MAML3: variants seen among roughly 807,000 people sequenced by gnomAD.
The protein encoded by MAML3 is mastermind-like protein 3.
A neutral mutation model predicts 101.9 loss-of-function variants in MAML3; 27 were observed. That is an observed-to-expected ratio of 0.27 (90% CI 0.20 to 0.37). The LOEUF (loss-of-function observed/expected upper bound fraction) is 0.37. Ranked by LOEUF, MAML3 falls within the 10% of genes least tolerant of loss-of-function variation. The probability of loss-of-function intolerance (pLI) is 1.00; values close to 1 mark genes in which losing one functional copy is unlikely to be tolerated. For synonymous variants in MAML3, 501 were observed against 555.9 expected (o/e 0.90, Z 1.39); for missense variants, 1,316 against 1,444.9 (o/e 0.91, Z 1.45).
At chr4:139,783,798 C>G (rs1044017685) in intron 2 of MAML3, among the ~76,000 whole-genome samples, 1 of 152,184 alleles carries the variant, frequency 6.6e-6, no homozygotes, top group African/African-American at 2.4e-5. Flanking sequence ...ATAGCCAGGA[C>G]CCTCCCAGTC....
chr4:139,741,666 G>C (rs1227173794), intron 2 of MAML3, among the ~76,000 whole-genome samples: 1 of 152,164 alleles, frequency 6.6e-6, no homozygotes, highest in Non-Finnish European at 1.5e-5. Context: ...AGGATCGCTT[G>C]AGCCTGGGAG....
At chr4:139,803,734 T>C (rs1326568772) in intron 2 of MAML3, among the ~76,000 whole-genome samples, 2 of 152,346 alleles carry the variant, frequency 1.3e-5, no homozygotes, top group African/African-American at 4.8e-5. Context: ...TGCCTGGCTA[T>C]GTATGCATTA....
intron 2 of MAML3, among the ~76,000 whole-genome samples, chr4:139,840,164 A>C (rs1457477483): frequency 6.6e-6 from 1 of 152,226 alleles, no homozygotes; most frequent in Non-Finnish European, 1.5e-5. Flanking sequence ...ACACTAAGAC[A>C]CTACATGGTC....
rs576017052 is a variant in MAML3 at position 140,006,468 on chromosome 4, C to T, written c.469-115501G>A. ...AGGCATGGTGGCGGGTGCCTGTAAT[C>T]CCAGTTACTCTGGAGGCTGAGGCAA... is the stretch of plus-strand genomic sequence containing the variant. On this transcript the variant is annotated intron_variant, in intron 1 of 4. Transcript: ENST00000509479. 5.3e-5 allele frequency among the ~76,000 whole-genome samples: 8 copies of T among 151,694 alleles called. 1 individual carries two copies. The highest frequency in any genetic ancestry group is 1.9e-4 in the African/African-American group (8 of 41,358).
At chr4:139,891,555 A>G (rs7690556) in intron 1 of MAML3, among the ~76,000 whole-genome samples, 132,657 of 152,242 alleles carry the variant, frequency 0.87, 58,232 homozygotes, top group Middle Eastern at 0.93. Context: ...TGGGATTACA[A>G]GTGTGAGCCA....
At chr4:139,918,573 C>T (rs546667914) in intron 1 of MAML3, among the ~76,000 whole-genome samples, 1 of 152,344 alleles carries the variant, frequency 6.6e-6, no homozygotes, top group South Asian at 2.1e-4. Flanking sequence ...CTTTTTCACA[C>T]CACTGATCAC....
At chr4:140,017,010 G>A (rs1029176796) in intron 1 of MAML3, among the ~76,000 whole-genome samples, 2 of 152,130 alleles carry the variant, frequency 1.3e-5, no homozygotes, top group Non-Finnish European at 2.9e-5. Context: ...TTAAGAGAAC[G>A]AAAGAACAAT....
intron 1 of MAML3, among the ~76,000 whole-genome samples, chr4:139,937,958 G>C (rs1733538240): frequency 6.6e-6 from 1 of 152,126 alleles, no homozygotes; most frequent in African/African-American, 2.4e-5. Context: ...GATGTCCCTT[G>C]CTGTATTCTG....
At chr4:139,739,143 T>A (rs1180225861) in intron 2 of MAML3, among the ~76,000 whole-genome samples, 1 of 152,244 alleles carries the variant, frequency 6.6e-6, no homozygotes, top group Non-Finnish European at 1.5e-5. Context: ...GGATGAATTC[T>A]AGCCTAAACC....
At chr4:139,759,794 G>C (rs908942752) in intron 2 of MAML3, among the ~76,000 whole-genome samples, 2 of 152,148 alleles carry the variant, frequency 1.3e-5, no homozygotes, top group African/African-American at 4.8e-5. Context: ...ATAAATAATG[G>C]AATACTGGAA....
chr4:139,925,927 G>A (rs759414101), intron 1 of MAML3, among the ~76,000 whole-genome samples: 13 of 152,300 alleles, frequency 8.5e-5, no homozygotes, highest in East Asian at 3.9e-4. Context: ...CACAATGCAA[G>A]AAGAAAGAGG....
rs80324404 is a variant in MAML3 at position 140,080,824 on chromosome 4, A to G, written c.468+72036T>C. 2.5e-3 allele frequency among the ~76,000 whole-genome samples: 378 copies of G among 152,342 alleles called. 3 individuals carry two copies. Among genetic ancestry groups the G allele is most frequent in the African/African-American group, 8.6e-3 (358 of 41,584 alleles). On this transcript the variant is annotated intron_variant, in intron 1 of 4. Transcript: ENST00000509479. ...CACTAAAACCAACACCTGGCTTTATACTGTTGTGCTATTCCACATAAGGTA... is the reference window on the plus strand; with the variant it reads ...CACTAAAACCAACACCTGGCTTTATGCTGTTGTGCTATTCCACATAAGGTA...
chr4:140,026,229 T>C lies in MAML3; in HGVS notation c.468+126631A>G, dbSNP rs147707700. On this transcript the variant is annotated intron_variant, in intron 1 of 4. Transcript: ENST00000509479. Reference sequence around the variant, plus strand: ...GTGTGTCTGTGTGCATATACACATATATACATCTTTAAATTTTTATTTTAC... The same window carrying C: ...GTGTGTCTGTGTGCATATACACATACATACATCTTTAAATTTTTATTTTAC... 2.0e-4 allele frequency among the ~76,000 whole-genome samples: 31 copies of C among 152,214 alleles called. 1 individual carries two copies. In the East Asian group the frequency reaches 6.0e-3, roughly 29 times the overall value.
chr4:140,004,810 T>C lies in MAML3; in HGVS notation c.469-113843A>G, dbSNP rs187846329. Among the ~76,000 whole-genome samples the C allele has an allele frequency of 2.5e-3, 386 of 151,778 alleles. 3 individuals carry two copies. The highest frequency in any genetic ancestry group is 8.7e-3 in the African/African-American group (361 of 41,420). On this transcript the variant is annotated intron_variant, in intron 1 of 4. Coordinates refer to ENST00000509479, the MANE Select transcript of MAML3 (RefSeq NM_018717.5). ...CCCCAGTAGAGAGACACATGGTCATTTCCTAGCCGAAAGGAGGGCTACCGT... is the reference window on the plus strand; with the variant it reads ...CCCCAGTAGAGAGACACATGGTCATCTCCTAGCCGAAAGGAGGGCTACCGT...
chr4:140,018,188 C>A (rs116252225), intron 1 of MAML3, among the ~76,000 whole-genome samples: 1 of 152,112 alleles, frequency 6.6e-6, no homozygotes, highest in Non-Finnish European at 1.5e-5. Context: ...CCTCTGGGTG[C>A]TCCCCTTTTC....
At chr4:139,889,201 G>C in intron 2 of MAML3, 156 bp downstream of exon 2, 1 of 1,398,498 alleles carries the variant, frequency 7.2e-7, no homozygotes, top group Non-Finnish European at 1.0e-6. Context: ...AATGGAAAAA[G>C]AACACTCCAA....
intron 1 of MAML3, among the ~76,000 whole-genome samples, chr4:139,921,096 C>G (rs1733123127): frequency 6.6e-6 from 1 of 152,116 alleles, no homozygotes; most frequent in South Asian, 2.1e-4. Flanking sequence ...CTTACTTGCT[C>G]TGGTACACTC....
chr4:139,854,448 T>A (rs1578631968), intron 2 of MAML3, among the ~76,000 whole-genome samples: 1 of 148,664 alleles, frequency 6.7e-6, no homozygotes, highest in East Asian at 2.0e-4. Flanking sequence ...AATTGTGATA[T>A]CTAGTGTGCC....
intron 1 of MAML3, among the ~76,000 whole-genome samples, chr4:140,065,674 AT>A (rs1331613322): frequency 6.6e-6 from 1 of 152,198 alleles, no homozygotes; most frequent in African/African-American, 2.4e-5. Context: ...GACCTGCCTT[AT>A]GTCTCTCCTA....
Sources: gnomAD v4.1 joint callset for allele counts (sites outside exome capture counted in the v4.1 genomes callset) on GRCh38, gnomAD v4.1.1 for gene constraint, MANE v1.5 for transcripts, NCBI Gene and HGNC (gene_info 2026-07-23, HGNC 2026-07-21) for gene names.